SPOCK3: variants seen among roughly 807,000 people sequenced by gnomAD.
SPOCK3 encodes SPARC (osteonectin), cwcv and kazal like domains proteoglycan 3, also known as testican-3.
A neutral mutation model predicts 56.6 loss-of-function variants in SPOCK3; 30 were observed. That is an observed-to-expected ratio of 0.53 (90% confidence interval 0.40 to 0.72). The LOEUF (loss-of-function observed/expected upper bound fraction) is 0.72. SPOCK3 is among the 30% of genes least tolerant of loss of function. SPOCK3 has a pLI of 0.00. For synonymous variants in SPOCK3, 196 were observed against 183.3 expected, an observed-to-expected ratio of 1.07 and a Z score of -0.56; for missense variants, 527 against 530.0, an observed-to-expected ratio of 0.99 and a Z score of 0.06.
At chr4:166,830,103 A>G (rs1440177050) in intron 6 of SPOCK3, among the ~76,000 whole-genome samples, 6 of 152,122 alleles carry the variant, frequency 3.9e-5, no homozygotes, top group Non-Finnish European at 8.8e-5. Context: ...TTTACGTAAG[A>G]TATCTCTCAA....
chr4:167,173,968 T>C (rs906091671), intron 2 of SPOCK3, among the ~76,000 whole-genome samples: 3 of 152,134 alleles, frequency 2.0e-5, no homozygotes, highest in African/African-American at 4.8e-5. Flanking sequence ...GGCAGAGGAA[T>C]AGCTAGAGCA....
chr4:166,872,203 A>G (rs1252909589), intron 6 of SPOCK3, among the ~76,000 whole-genome samples: 1 of 152,050 alleles, frequency 6.6e-6, no homozygotes. Flanking sequence ...TAGTAGTGTA[A>G]TAAGACAAGA....
At chr4:166,882,026 C>A (rs1733735566) in intron 6 of SPOCK3, among the ~76,000 whole-genome samples, 2 of 152,176 alleles carry the variant, frequency 1.3e-5, no homozygotes, top group South Asian at 2.1e-4. Context: ...AGGGGGATGA[C>A]AGCCATGTGC....
At chr4:166,820,142 G>A (rs995236471) in intron 6 of SPOCK3, among the ~76,000 whole-genome samples, 1 of 151,990 alleles carries the variant, frequency 6.6e-6, no homozygotes, top group African/African-American at 2.4e-5. Context: ...AATTAAAACA[G>A]TGAACAGCAT....
At chr4:167,004,323 A>G (rs1395706250) in intron 3 of SPOCK3, among the ~76,000 whole-genome samples, 2 of 152,200 alleles carry the variant, frequency 1.3e-5, no homozygotes, top group East Asian at 3.9e-4. Flanking sequence ...GTATAAGTAG[A>G]TGGAATAAAT....
chr4:167,098,996 AGAAG>A (rs927732023), intron 2 of SPOCK3, among the ~76,000 whole-genome samples: 2 of 152,026 alleles, frequency 1.3e-5, no homozygotes, highest in African/African-American at 4.8e-5. Context: ...TTATGCACCT[AGAAG>A]GAAGGGATCA....
At chr4:167,057,750 A>G (rs543119574) in intron 3 of SPOCK3, among the ~76,000 whole-genome samples, 2 of 152,220 alleles carry the variant, frequency 1.3e-5, no homozygotes, top group African/African-American at 4.8e-5. Context: ...TCCTAAATAT[A>G]TATGCATCCA....
At chr4:166,956,849 A>G (rs1743546224) in intron 4 of SPOCK3, among the ~76,000 whole-genome samples, 1 of 152,104 alleles carries the variant, frequency 6.6e-6, no homozygotes, top group Non-Finnish European at 1.5e-5. Flanking sequence ...AGTTATTACT[A>G]AACTCACTCT....
chr4:166,880,679 AT>A (rs1182157119), intron 6 of SPOCK3, among the ~76,000 whole-genome samples: 4 of 152,202 alleles, frequency 2.6e-5, no homozygotes, highest in African/African-American at 9.7e-5. Flanking sequence ...CTCAGGAGTT[AT>A]CATTAATTCT....
chr4:167,091,522 AT>A (rs1349880955), intron 2 of SPOCK3, among the ~76,000 whole-genome samples: 1 of 152,180 alleles, frequency 6.6e-6, no homozygotes, highest in Non-Finnish European at 1.5e-5. Flanking sequence ...TGATATTTAA[AT>A]GTTAATACTG....
intron 2 of SPOCK3, among the ~76,000 whole-genome samples, chr4:167,204,474 G>A (rs1368138529): frequency 6.6e-6 from 1 of 152,016 alleles, no homozygotes; most frequent in Admixed American, 6.6e-5. Flanking sequence ...TGCCACCAGG[G>A]GAAATGCTAG....
rs1579954681 is a variant in SPOCK3, at chr4:167,000,382, G to T, written c.317C>A (p.Ala106Glu). The change falls in exon 4 of 11, where the codon GCA (alanine) becomes GAA (glutamate). Residue 106 changes from alanine (A) to glutamate (E), a missense_variant. Transcript: ENST00000357545. ...KVCIAQDSQT[A>E]VCISHRRLTH... Reference sequence around the variant, plus strand: ...AAGCCTCCGGTGACTAATGCAGACTGCAGTCTGAGAATCTTGAGCAATGCA... The same window carrying T: ...AAGCCTCCGGTGACTAATGCAGACTTCAGTCTGAGAATCTTGAGCAATGCA... 1 of 1,601,986 alleles carries T rather than the reference G, an allele frequency of 6.2e-7. No individual in the cohort carries two copies. Among genetic ancestry groups the T allele is most frequent in the East Asian group, 2.2e-5 (1 of 44,508 alleles).
chr4:167,028,750 A>G (rs1452721932), intron 3 of SPOCK3, among the ~76,000 whole-genome samples: 2 of 152,184 alleles, frequency 1.3e-5, no homozygotes, highest in East Asian at 3.9e-4. Context: ...TTCAAAAAGG[A>G]TAGGAACAAC....
chr4:166,917,415 G>A (rs1015382315), intron 4 of SPOCK3, among the ~76,000 whole-genome samples: 2 of 152,034 alleles, frequency 1.3e-5, no homozygotes, highest in African/African-American at 4.8e-5. Context: ...CCCACGTGTC[G>A]AGGGAGGGAT....
intron 2 of SPOCK3, among the ~76,000 whole-genome samples, chr4:167,125,412 T>TA (rs34256017): frequency 1.6e-3 from 224 of 138,730 alleles, no homozygotes; most frequent in African/African-American, 3.7e-3. Flanking sequence ...AAACGGTGCT[T>TA]AAAAAAAAAA....
At chr4:167,064,610 T>G (rs1257282295) in intron 2 of SPOCK3, among the ~76,000 whole-genome samples, 2 of 151,594 alleles carry the variant, frequency 1.3e-5, no homozygotes, top group Non-Finnish European at 2.9e-5. Context: ...GCAGCTACAG[T>G]TTTAGGCCTC....
At chr4:167,205,261 T>C (rs1293429959) in intron 2 of SPOCK3, among the ~76,000 whole-genome samples, 7 of 74,494 alleles carry the variant, frequency 9.4e-5, no homozygotes, top group Admixed American at 2.4e-4. Context: ...ATATATATTT[T>C]ATATCTATAA....
At chr4:167,147,490 G>T (rs546098449) in intron 2 of SPOCK3, among the ~76,000 whole-genome samples, 2 of 152,220 alleles carry the variant, frequency 1.3e-5, no homozygotes, top group African/African-American at 4.8e-5. Flanking sequence ...ATATCATTCT[G>T]CTATAAAGAC....
intron 9 of SPOCK3, among the ~76,000 whole-genome samples, chr4:166,741,193 G>C (rs531107881): frequency 6.6e-6 from 1 of 152,200 alleles, no homozygotes; most frequent in South Asian, 2.1e-4. Flanking sequence ...AATAGAAAAA[G>C]AACAGTGGCA....
Sources: allele counts gnomAD v4.1 joint callset (sites outside exome capture counted in the v4.1 genomes callset), GRCh38; gene constraint gnomAD v4.1.1; transcripts MANE v1.5; gene names NCBI Gene and HGNC (gene_info 2026-07-23, HGNC 2026-07-21).